Variants in COL6A6 observed in about 807,000 individuals in gnomAD.
The protein encoded by COL6A6 is collagen type VI alpha 6 chain.
In COL6A6, 183 loss-of-function variants were observed where a neutral mutation model predicts 208.6. The observed-to-expected ratio is 0.88, with a 90% CI of 0.78 to 0.99. The LOEUF is 0.99. Among genes scored for constraint, COL6A6 ranks in the 50% least tolerant of loss-of-function variants. COL6A6 has a pLI of 0.00. For synonymous variants in COL6A6, 973 were observed against 1,011.8 expected (o/e 0.96, Z 0.73); for missense variants, 2,816 against 2,815.2 (o/e 1.00, Z -0.01).
rs113255106 is a variant in COL6A6 at position 130,587,772 on chromosome 3, C to G, written c.4125+1112C>G. ...CACATAGGTATTTAAGCAGCTTGTT[C>G]AGTGTTGTAATTATGTAAAAATAAT... On this transcript the variant is annotated intron_variant, in intron 11 of 36. Transcript: ENST00000358511. Among the ~76,000 whole-genome samples the G allele has an allele frequency of 2.4e-3, 369 of 152,288 alleles. 2 individuals carry two copies. The highest frequency in any genetic ancestry group is 8.1e-3 in the African/African-American group (335 of 41,560).
At chr3:130,534,398 C>G (rs971418694) in intron 1 of COL6A6, among the ~76,000 whole-genome samples, 3 of 152,062 alleles carry the variant, frequency 2.0e-5, no homozygotes, top group African/African-American at 7.2e-5. Context: ...AAATATATTA[C>G]TCCTTATAGT....
intron 26 of COL6A6, 52 bp downstream of exon 26, chr3:130,627,421 G>C: frequency 6.5e-7 from 1 of 1,537,840 alleles, no homozygotes; most frequent in Non-Finnish European, 9.0e-7. Flanking sequence ...TTTTGTTGCT[G>C]GTTTTGTTTG....
chr3:130,655,006 T>C (rs4682624), intron 33 of COL6A6, among the ~76,000 whole-genome samples: 16 of 152,122 alleles, frequency 1.1e-4, no homozygotes, highest in Admixed American at 4.6e-4. Flanking sequence ...CCATTAGTTA[T>C]CAGAAATGCA....
At chr3:130,555,764 G>T (rs1559983454) in intron 1 of COL6A6, among the ~76,000 whole-genome samples, 1 of 150,950 alleles carries the variant, frequency 6.6e-6, no homozygotes, top group Admixed American at 6.6e-5. Flanking sequence ...TTTTTTTGTG[G>T]GGTTTTAAAA....
At chr3:130,608,845 A>G in intron 21 of COL6A6, 57 bp from the exon 22 acceptor site, 1 of 1,201,916 alleles carries the variant, frequency 8.3e-7, no homozygotes, top group Non-Finnish European at 1.2e-6. Context: ...GCTTGCAGGT[A>G]AAGGAGACAA....
At position 130,649,427 on chromosome 3, in the gene COL6A6, C is replaced by A; in HGVS notation, c.5598C>A (p.Ile1866=). The A allele has an allele frequency of 6.2e-7, 1 of 1,613,192 alleles. No homozygotes were observed. Residue 1866 remains isoleucine, a synonymous_variant, in exon 33 of 37, where the codon ATC becomes ATA. Transcript: ENST00000358511. ...RTLPGAHTRK[I]ATFFSSGQSA... is the part of the protein sequence containing the mutation. ...TTCCGGGGGCACACACGAGAAAAAT[C>A]GCCACATTTTTCAGCAGCGGTCAGT...
At chr3:130,648,394 C>T (rs147647185) in intron 32 of COL6A6, among the ~76,000 whole-genome samples, 40 of 152,320 alleles carry the variant, frequency 2.6e-4, no homozygotes, top group Non-Finnish European at 4.9e-4. Context: ...ATTCTAAGTA[C>T]TTTACCTGTG....
At chr3:130,618,394 A>G (rs996651434) in intron 23 of COL6A6, among the ~76,000 whole-genome samples, 4 of 152,344 alleles carry the variant, frequency 2.6e-5, no homozygotes, top group African/African-American at 9.6e-5. Flanking sequence ...TGCACAAAAT[A>G]TGAATGCTCA....
At chr3:130,596,536 G>A (rs2063855502) in intron 18 of COL6A6, among the ~76,000 whole-genome samples, 1 of 152,144 alleles carries the variant, frequency 6.6e-6, no homozygotes, top group Non-Finnish European at 1.5e-5. Context: ...AAAAATTGGG[G>A]ATAAATAAAT....
intron 10 of COL6A6, among the ~76,000 whole-genome samples, chr3:130,584,598 T>A (rs532009220): frequency 2.0e-5 from 3 of 152,102 alleles, no homozygotes; most frequent in Admixed American, 1.3e-4. Flanking sequence ...TTTCTTTTTT[T>A]ATTTTTTTTA....
chr3:130,626,500 C>A lies in COL6A6; in HGVS notation c.4894C>A (p.Leu1632Met), dbSNP rs2064889841. 39 of 1,613,012 alleles carry A rather than the reference C, an allele frequency of 2.4e-5. No homozygotes were observed. Among genetic ancestry groups the A allele is most frequent in the Non-Finnish European group, 3.3e-5 (39 of 1,179,126 alleles). Reference protein sequence around the residue: ...SQGNKGEPGDLGEKGAVGFPG... With the variant: ...SQGNKGEPGDMGEKGAVGFPG... ...TGTTTAACAGGGAGAACCTGGAGAT[C>A]TGGGAGAAAAAGGAGCTGTTGGCTT... is the stretch of plus-strand genomic sequence containing the variant. The change falls in exon 25 of 37, where the codon CTG (leucine) becomes ATG (methionine). Residue 1632 changes from leucine (L) to methionine (M), a missense_variant. Coordinates refer to ENST00000358511, the MANE Select transcript of COL6A6 (RefSeq NM_001102608.3).
chr3:130,588,021 G>C (rs934798940), intron 11 of COL6A6, among the ~76,000 whole-genome samples: 1 of 152,168 alleles, frequency 6.6e-6, no homozygotes, highest in Non-Finnish European at 1.5e-5. Context: ...AATGTTAATA[G>C]TAATAGATTT....
rs78719860 is a variant in COL6A6, at chr3:130,611,208, G to A, written c.4815+497G>A. 5.3e-5 allele frequency among the ~76,000 whole-genome samples: 8 copies of A among 152,264 alleles called. No homozygotes were observed. In the East Asian group the frequency reaches 1.5e-3, roughly 29 times the overall value. ...TATAGACCTAGGGTTGGGAATGACT[G>A]CTCTGCATTAGCACTCCTCCAGATT... On this transcript the variant is annotated intron_variant, in intron 23 of 36. Transcript: ENST00000358511.
chr3:130,542,027 T>G (rs6781044), intron 1 of COL6A6, among the ~76,000 whole-genome samples: 116,925 of 151,902 alleles, frequency 0.77, 46,033 homozygotes, highest in Non-Finnish European at 0.85. Flanking sequence ...TTTTCTGACA[T>G]TAGTAATTTG....
In COL6A6 at chr3:130,598,442, G is replaced by A. The variant is rs749031058; in HGVS notation, c.4599+12G>A. The stretch of plus-strand genomic sequence containing the variant: ...AACGTGGAAGACAAGTAATTACGTG[G>A]GCTTGTAAAATCGTGATGCAACAAC... On this transcript the variant is annotated intron_variant, in intron 19 of 36. Transcript: ENST00000358511. 30 of 1,538,112 alleles carry A rather than the reference G, an allele frequency of 2.0e-5. No individual in the cohort carries two copies. The highest frequency in any genetic ancestry group is 3.6e-5 in the South Asian group (3 of 83,510).
chr3:130,620,593 T>A (rs1367973926), intron 23 of COL6A6, among the ~76,000 whole-genome samples: 1 of 152,180 alleles, frequency 6.6e-6, no homozygotes, highest in Non-Finnish European at 1.5e-5. Context: ...TATTGAGAAT[T>A]TTCTTTAAAG....
intron 23 of COL6A6, among the ~76,000 whole-genome samples, chr3:130,618,659 C>T (rs2064610450): frequency 6.6e-6 from 1 of 152,238 alleles, no homozygotes; most frequent in Admixed American, 6.5e-5. Flanking sequence ...TTCACTGAGG[C>T]TTGAGCCTTA....
chr3:130,531,975 G>A (rs908171721), intron 1 of COL6A6, among the ~76,000 whole-genome samples: 1 of 152,158 alleles, frequency 6.6e-6, no homozygotes, highest in Non-Finnish European at 1.5e-5. Context: ...GTTTTGGGAG[G>A]TGTGTTTAGG....
In COL6A6 at chr3:130,565,745, G is replaced by A; in HGVS notation, c.1282+131G>A. The A allele has an allele frequency of 3.5e-6, 4 of 1,143,486 alleles. No individual in the cohort carries two copies. In the South Asian group the frequency reaches 7.1e-5, roughly 20 times the overall value. 70.8% of individuals were successfully genotyped at this position (1,143,486 alleles called of 1,614,324 possible). On this transcript the variant is annotated intron_variant, in intron 4 of 36. Transcript: ENST00000358511. ...ATAAGTTCCTAATTCTTTTACTTGA[G>A]CTTGAAAATATGAAGCCTAATTTGG... is the stretch of plus-strand genomic sequence containing the variant.
Sources: allele counts gnomAD v4.1 joint callset (sites outside exome capture counted in the v4.1 genomes callset), GRCh38; gene constraint gnomAD v4.1.1; transcripts MANE v1.5; gene names NCBI Gene and HGNC (gene_info 2026-07-23, HGNC 2026-07-21).